Variants in TECPR2 observed in about 807,000 individuals in gnomAD.
TECPR2 encodes tectonin beta-propeller repeat containing 2.
Under a neutral mutation model 138.1 loss-of-function variants are expected in TECPR2, and 65 were observed. That is an observed-to-expected ratio of 0.47 (90% CI 0.39 to 0.58). The LOEUF is 0.58. TECPR2 is among the 20% of genes least tolerant of loss of function. The probability of loss-of-function intolerance (pLI) is 0.00; values close to 1 mark genes in which losing one functional copy is unlikely to be tolerated. For synonymous variants in TECPR2, 746 were observed against 749.8 expected (o/e 0.99, Z 0.08); for missense variants, 1,553 against 1,824.5 (o/e 0.85, Z 2.71).
intron 1 of TECPR2, among the ~76,000 whole-genome samples, chr14:102,367,008 A>C (rs146095689): frequency 2.2e-3 from 340 of 152,310 alleles, no homozygotes; most frequent in African/African-American, 7.1e-3. Context: ...TTTATTCTGC[A>C]TAGAGGAAAT....
intron 16 of TECPR2, among the ~76,000 whole-genome samples, chr14:102,464,018 T>C (rs2139770207): frequency 6.6e-6 from 1 of 152,338 alleles, no homozygotes; most frequent in South Asian, 2.1e-4. Context: ...AGGTCAGAGG[T>C]TGCTGATGCA....
intron 7 of TECPR2, among the ~76,000 whole-genome samples, chr14:102,431,336 G>C (rs570263423): frequency 1.8e-4 from 26 of 144,360 alleles, no homozygotes; most frequent in Non-Finnish European, 3.9e-4. Flanking sequence ...TTTAGTTTTG[G>C]TGGATTTTTT....
At chr14:102,465,351 G>C in intron 17 of TECPR2, 62 bp downstream of exon 17, 1 of 1,589,670 alleles carries the variant, frequency 6.3e-7, no homozygotes, top group South Asian at 1.1e-5. Flanking sequence ...GAGGATGCTG[G>C]TACTGGGAAA....
chr14:102,479,809 A>C (rs984251109), intron 17 of TECPR2, among the ~76,000 whole-genome samples: 1 of 152,184 alleles, frequency 6.6e-6, no homozygotes, highest in Non-Finnish European at 1.5e-5. Flanking sequence ...GCTTGTATGC[A>C]TGATACTGCA....
At chr14:102,430,201 T>G (rs1038392193) in intron 7 of TECPR2, among the ~76,000 whole-genome samples, 2 of 152,172 alleles carry the variant, frequency 1.3e-5, no homozygotes, top group Admixed American at 1.3e-4. Flanking sequence ...CTCGAACTCC[T>G]GAGCTCAGGC....
rs1207736957 is a variant in TECPR2 at position 102,435,354 on chromosome 14, G to A, written c.2394+143G>A. ...GTAGGCCAACTCTGTTTTCAAGTCT[G>A]GGTTTCAGGGGATTTCCAGCACAGG... On this transcript the variant is annotated intron_variant, in intron 9 of 19. Coordinates refer to ENST00000359520, the MANE Select transcript of TECPR2 (RefSeq NM_014844.5). 1.6e-5 allele frequency: 20 copies of A among 1,243,020 alleles called. No individual in the cohort carries two copies. In the East Asian group the frequency reaches 5.0e-4, roughly 31 times the overall value. 77.0% of individuals were successfully genotyped at this position (1,243,020 alleles called of 1,614,324 possible). A position where few individuals can be genotyped will look rare whatever the true frequency, so the allele number is the denominator to read the frequency against.
At chr14:102,487,051 A>G (rs1446078692) in intron 17 of TECPR2, among the ~76,000 whole-genome samples, 1 of 152,222 alleles carries the variant, frequency 6.6e-6, no homozygotes, top group Non-Finnish European at 1.5e-5. Flanking sequence ...CAGCAGCACC[A>G]TGAATCCTTG....
chr14:102,444,384 G>A (rs968557919), intron 12 of TECPR2, among the ~76,000 whole-genome samples: 2 of 151,910 alleles, frequency 1.3e-5, no homozygotes, highest in African/African-American at 4.8e-5. Flanking sequence ...GTAGAGATGA[G>A]TTTTGGGTTT....
Position 102,500,905 on chromosome 14 carries a change from C to T in TECPR2, c.*2648C>T, listed in dbSNP as rs1489635778. 1.3e-5 allele frequency: 2 copies of T among 152,280 alleles called. No homozygotes were observed. Among genetic ancestry groups the T allele is most frequent in the African/African-American group, 4.8e-5 (2 of 41,460 alleles). The allele number at this position is 152,280 out of a possible 1,614,324, so 9.4% of individuals were successfully genotyped here. On this transcript the variant is annotated 3_prime_UTR_variant, in exon 20 of 20. Coordinates refer to ENST00000359520, the MANE Select transcript of TECPR2 (RefSeq NM_014844.5). ...GAAGTCTCATTAGCCCCTTGAGACT[C>T]AGAGAGGTTAGGTAACTTGCTCAAG...
chr14:102,419,595 G>A lies in TECPR2; in HGVS notation c.638+4802G>A, dbSNP rs139528177. Reference sequence around the variant, plus strand: ...AGACTCTCTTCCAGAGAAAGGGCAGGGCACTGAGCACAGGGCAGGTGCAGG... The same window carrying A: ...AGACTCTCTTCCAGAGAAAGGGCAGAGCACTGAGCACAGGGCAGGTGCAGG... On this transcript the variant is annotated intron_variant, in intron 5 of 19. Transcript: ENST00000359520. The surrounding 1 kb of genome is among the most constrained non-coding windows in gnomAD (Gnocchi z 4.8). Among the ~76,000 whole-genome samples the A allele has an allele frequency of 2.7e-3, 415 of 152,212 alleles. 3 individuals carry two copies. The highest frequency in any genetic ancestry group is 9.6e-3 in the African/African-American group (398 of 41,548).
chr14:102,468,450 G>A (rs1890597784), intron 17 of TECPR2, among the ~76,000 whole-genome samples: 2 of 152,224 alleles, frequency 1.3e-5, no homozygotes, highest in Non-Finnish European at 2.9e-5. Context: ...GTCTCCCAAA[G>A]TGCTGAGATT....
chr14:102,408,573 G>A lies in TECPR2; in HGVS notation c.434G>A (p.Gly145Glu). ...WSPNGMKLFS[G>E]DDKGKIVYSS... ...CCCAATGGAATGAAATTGTTCTCTG[G>A]AGATGACAAAGGCAAAATTGTTTAT... The change falls in exon 4 of 20, where the codon GGA becomes GAA. Residue 145 changes from glycine to glutamate, a missense_variant. Physicochemically the swap from Gly to Glu is moderately conservative, Grantham distance 98. Coordinates refer to ENST00000359520, the MANE Select transcript of TECPR2 (RefSeq NM_014844.5). 2.5e-6 allele frequency: 4 copies of A among 1,613,478 alleles called. No homozygotes were observed. The highest frequency in any genetic ancestry group is 3.4e-6 in the Non-Finnish European group (4 of 1,179,828).
intron 17 of TECPR2, among the ~76,000 whole-genome samples, chr14:102,482,056 CT>C (rs796858052): frequency 1.6e-4 from 23 of 140,538 alleles, no homozygotes; most frequent in Admixed American, 2.8e-4. Flanking sequence ...AGTTTTTTTT[CT>C]TTTTTTTTTT....
chr14:102,496,795 G>A (rs1891292790), intron 17 of TECPR2, 184 bp from the exon 18 acceptor site: 1 of 849,516 alleles, frequency 1.2e-6, no homozygotes, highest in Non-Finnish European at 1.8e-6. Context: ...TGACATTCTG[G>A]AGACAAGTGA....
intron 17 of TECPR2, among the ~76,000 whole-genome samples, chr14:102,472,388 G>C (rs1307718917): frequency 6.6e-6 from 1 of 152,206 alleles, no homozygotes; most frequent in East Asian, 1.9e-4. Context: ...TCTATTGACT[G>C]TGGTGATCAA....
chr14:102,418,054 C>T (rs1292836684), intron 5 of TECPR2, among the ~76,000 whole-genome samples: 1 of 152,108 alleles, frequency 6.6e-6, no homozygotes, highest in Non-Finnish European at 1.5e-5. Context: ...AGGACCTCTG[C>T]TGTGGACATA....
Position 102,497,059 on chromosome 14 carries a change from G to T in TECPR2, c.3870G>T (p.Val1290=). 6.2e-7 allele frequency: 1 copy of T among 1,613,824 alleles called. No homozygotes were observed. Among genetic ancestry groups the T allele is most frequent in the South Asian group, 1.1e-5 (1 of 91,088 alleles). The stretch of plus-strand genomic sequence containing the variant: ...GGGTGCTTGACAGCAGGTGGAACGT[G>T]CACGTGCGGACCGGGATCACCGAGG... ...MLWVLDSRWN[V]HVRTGITEEM... is the part of the protein sequence containing the mutation. Residue 1290 remains valine (V), a synonymous_variant, in exon 18 of 20, where the codon GTG becomes GTT. Coordinates refer to ENST00000359520, the MANE Select transcript of TECPR2 (RefSeq NM_014844.5).
intron 16 of TECPR2, among the ~76,000 whole-genome samples, chr14:102,464,207 G>C (rs1890490777): frequency 6.6e-6 from 1 of 152,200 alleles, no homozygotes; most frequent in Non-Finnish European, 1.5e-5. Flanking sequence ...AGTATATGAA[G>C]ACCTGGCTGA....
chr14:102,477,955 AAAG>A (rs1405185389), intron 17 of TECPR2, among the ~76,000 whole-genome samples: 1 of 149,036 alleles, frequency 6.7e-6, no homozygotes, highest in East Asian at 2.0e-4. Flanking sequence ...AAAAAAAAAA[AAAG>A]AGTTAGCCAG....
Sources: allele counts gnomAD v4.1 joint callset (sites outside exome capture counted in the v4.1 genomes callset), GRCh38; gene constraint gnomAD v4.1.1; non-coding constraint Gnocchi (gnomAD v3.1); transcripts MANE v1.5; gene names NCBI Gene and HGNC (gene_info 2026-07-23, HGNC 2026-07-21).